TRAF3IP1: variants seen among roughly 807,000 people sequenced by gnomAD.
The protein encoded by TRAF3IP1 is TRAF3-interacting protein 1.
In TRAF3IP1, 53 loss-of-function variants were observed where a neutral mutation model predicts 89.9. The ratio of observed to expected loss-of-function variants is 0.59; its 90% confidence interval spans 0.47 to 0.74. The LOEUF (loss-of-function observed/expected upper bound fraction) is 0.74, where lower values mean the gene tolerates loss of function less well. Ranked by LOEUF, TRAF3IP1 falls within the 30% of genes least tolerant of loss-of-function variation. The pLI is 0.00. For missense variants in TRAF3IP1, 806 were observed against 866.1 expected (o/e 0.93, Z 0.87); for synonymous variants, 311 against 322.1 (o/e 0.97, Z 0.37).
Position 238,338,412 on chromosome 2 carries a change from G to A in TRAF3IP1, c.1114G>A (p.Gly372Arg), listed in dbSNP as rs145950318. ...SAKSLDSIVSGINNEPNQETT... is the reference protein window; with the variant it reads ...SAKSLDSIVSRINNEPNQETT... ...TAAAAGTTTAGACTCCATAGTGTCTGGAATAAATAATGAGCCAAATCAGGA... is the reference window on the plus strand; with the variant it reads ...TAAAAGTTTAGACTCCATAGTGTCTAGAATAAATAATGAGCCAAATCAGGA... Residue 372 changes from glycine (G) to arginine (R), a missense_variant, in exon 8 of 17, where the codon GGA becomes AGA. Gly to Arg is a moderately radical substitution (Grantham distance 125). Transcript: ENST00000373327. 34 of 1,600,738 alleles carry A rather than the reference G, an allele frequency of 2.1e-5. No individual in the cohort carries two copies. In the African/African-American group the frequency reaches 3.4e-4, roughly 16 times the overall value.
In TRAF3IP1 at chr2:238,351,941, G is replaced by A. The variant is rs1048509080; in HGVS notation, c.1452-886G>A. On this transcript the variant is annotated intron_variant, in intron 12 of 16. Transcript: ENST00000373327. The surrounding 1 kb of genome is among the most constrained non-coding windows in gnomAD (Gnocchi z 5.2). ...TGTGTGTGTGTGTATGCATGTGCACGCATGCAGCACTGCGATAACGGGGCA... is the reference window on the plus strand; with the variant it reads ...TGTGTGTGTGTGTATGCATGTGCACACATGCAGCACTGCGATAACGGGGCA... 3.8e-4 allele frequency among the ~76,000 whole-genome samples: 58 copies of A among 151,936 alleles called. No individual in the cohort carries two copies. Among genetic ancestry groups the A allele is most frequent in the African/African-American group, 3.9e-4 (16 of 41,454 alleles).
In TRAF3IP1 at chr2:238,325,359, G is replaced by A. The variant is rs1419203342; in HGVS notation, c.177G>A (p.Lys59=). 6.2e-7 allele frequency: 1 copy of A among 1,614,166 alleles called. No individual in the cohort carries two copies. Among genetic ancestry groups the A allele is most frequent in the East Asian group, 2.2e-5 (1 of 44,886 alleles). ...GCCTCTACACAGACGCCGAGATGAA[G>A]TCTGATAATGTGAAGGTGGGTTTGA... The part of the protein sequence containing the change: ...MKGLYTDAEM[K]SDNVKDKDAK... Residue 59 remains lysine (K), a synonymous_variant, in exon 2 of 17, where the codon AAG becomes AAA. Coordinates refer to ENST00000373327, the MANE Select transcript of TRAF3IP1 (RefSeq NM_015650.4).
At chr2:238,324,511 G>A (rs1449797082) in intron 1 of TRAF3IP1, among the ~76,000 whole-genome samples, 1 of 152,192 alleles carries the variant, frequency 6.6e-6, no homozygotes, top group Non-Finnish European at 1.5e-5. Flanking sequence ...CAGGCCCCGA[G>A]TGTCTCTCTG....
intron 12 of TRAF3IP1, among the ~76,000 whole-genome samples, chr2:238,352,599 C>G (rs954546960): frequency 4.0e-5 from 6 of 151,586 alleles, no homozygotes; most frequent in African/African-American, 1.2e-4. Flanking sequence ...CGTGGGGAAG[C>G]TGGGTGGGGG....
At chr2:238,396,535 TA>T (rs928812855) in intron 15 of TRAF3IP1, among the ~76,000 whole-genome samples, 7 of 144,254 alleles carry the variant, frequency 4.9e-5, no homozygotes, top group African/African-American at 1.3e-4. Flanking sequence ...ATAATAATAA[TA>T]AAAAAATTAA....
intron 15 of TRAF3IP1, among the ~76,000 whole-genome samples, chr2:238,382,312 TC>T (rs1460069663): frequency 6.6e-6 from 1 of 152,044 alleles, no homozygotes; most frequent in Non-Finnish European, 1.5e-5. Context: ...CTGAGACACA[TC>T]CTGGTGGAAT....
intron 1 of TRAF3IP1, among the ~76,000 whole-genome samples, chr2:238,322,741 G>A (rs1158162042): frequency 6.7e-6 from 1 of 148,290 alleles, no homozygotes; most frequent in African/African-American, 2.5e-5. Flanking sequence ...CAGGTAGATA[G>A]GGTGTGTGGA....
At position 238,328,725 on chromosome 2, in the gene TRAF3IP1, G is replaced by A. The variant is rs748512829; in HGVS notation, c.394G>A (p.Glu132Lys). 1.2e-6 allele frequency: 2 copies of A among 1,614,022 alleles called. No homozygotes were observed. The highest frequency in any genetic ancestry group is 2.2e-5 in the South Asian group (2 of 91,072). ...DDAVRRVLAG[E>K]KGEVKGRASL... ...TGCGGTGCGGAGGGTTTTAGCTGGA[G>A]AGAAGGGAGAAGTGAAAGGCCGGGC... The change falls in exon 4 of 17, where the codon GAG (glutamate) becomes AAG (lysine). Residue 132 changes from glutamate to lysine, a missense_variant. By Grantham distance (56) the Glu-to-Lys change is moderately conservative. Coordinates refer to ENST00000373327, the MANE Select transcript of TRAF3IP1 (RefSeq NM_015650.4).
At chr2:238,387,330 AT>A (rs1394995969) in intron 15 of TRAF3IP1, among the ~76,000 whole-genome samples, 3 of 152,218 alleles carry the variant, frequency 2.0e-5, no homozygotes, top group African/African-American at 7.2e-5. Context: ...TTAACAGCCT[AT>A]TCCTGACTTG....
At chr2:238,332,973 G>A in intron 6 of TRAF3IP1, 78 bp downstream of exon 6, 1 of 1,066,806 alleles carries the variant, frequency 9.4e-7, no homozygotes, top group Middle Eastern at 2.0e-4. Flanking sequence ...CGCTCCCCGG[G>A]TCCACTGAGG....
intron 15 of TRAF3IP1, among the ~76,000 whole-genome samples, chr2:238,381,651 C>T (rs1700556204): frequency 6.6e-6 from 1 of 152,190 alleles, no homozygotes; most frequent in South Asian, 2.1e-4. Context: ...CACTGCCCTG[C>T]ACTTGTCCCT....
At chr2:238,348,233 C>G (rs534117195) in intron 10 of TRAF3IP1, among the ~76,000 whole-genome samples, 1 of 151,716 alleles carries the variant, frequency 6.6e-6, no homozygotes, top group African/African-American at 2.4e-5. Flanking sequence ...ATTAAAAGCA[C>G]TGGTAATTCT....
intron 15 of TRAF3IP1, among the ~76,000 whole-genome samples, chr2:238,376,656 C>G (rs1700328837): frequency 6.6e-6 from 1 of 152,132 alleles, no homozygotes; most frequent in Admixed American, 6.5e-5. Context: ...TTGTTCGTAT[C>G]TTTTGTTAGA....
At chr2:238,336,676 ATTTG>A (rs974112104) in intron 7 of TRAF3IP1, among the ~76,000 whole-genome samples, 3 of 152,100 alleles carry the variant, frequency 2.0e-5, no homozygotes, top group South Asian at 2.1e-4. Context: ...TTTTAATTTC[ATTTG>A]TTTGTTAACT....
chr2:238,327,915 A>G (rs1044552293), intron 3 of TRAF3IP1, among the ~76,000 whole-genome samples: 5 of 152,342 alleles, frequency 3.3e-5, no homozygotes, highest in South Asian at 2.1e-4. Flanking sequence ...ATGTATCAGA[A>G]TTTCATCGCT....
chr2:238,330,534 C>T (rs1050306736), intron 5 of TRAF3IP1, among the ~76,000 whole-genome samples: 19 of 152,284 alleles, frequency 1.2e-4, no homozygotes, highest in Admixed American at 2.6e-4. Context: ...CCAGTTGATC[C>T]GGCCGGGCAG....
At chr2:238,330,301 A>C (rs891340554) in intron 5 of TRAF3IP1, among the ~76,000 whole-genome samples, 2 of 152,202 alleles carry the variant, frequency 1.3e-5, no homozygotes, top group African/African-American at 4.8e-5. Context: ...TTTCAGGTAA[A>C]TTTAGGGTTT....
chr2:238,363,885 A>G (rs1574943562), intron 15 of TRAF3IP1, among the ~76,000 whole-genome samples: 1 of 152,256 alleles, frequency 6.6e-6, no homozygotes, highest in East Asian at 1.9e-4. Context: ...GCTTGAACCC[A>G]GGAGGTGGAA....
chr2:238,364,135 C>G (rs769605024), intron 15 of TRAF3IP1, among the ~76,000 whole-genome samples: 1 of 152,164 alleles, frequency 6.6e-6, no homozygotes, highest in African/African-American at 2.4e-5. Flanking sequence ...TGTGCCCTTC[C>G]TTAGTCTTGA....
Sources: gnomAD v4.1 joint callset for allele counts (sites outside exome capture counted in the v4.1 genomes callset) on GRCh38, gnomAD v4.1.1 for gene constraint, Gnocchi (gnomAD v3.1) non-coding constraint, MANE v1.5 for transcripts, NCBI Gene and HGNC (gene_info 2026-07-23, HGNC 2026-07-21) for gene names.